Variants in SLC7A9 observed in about 807,000 individuals in gnomAD.
SLC7A9 encodes solute carrier family 7 member 9, also known as B(0,+)-type amino acid transporter 1.
Under a neutral mutation model 54.1 loss-of-function variants are expected in SLC7A9, and 38 were observed. The observed-to-expected ratio is 0.70, with a 90% CI of 0.54 to 0.92. The LOEUF is 0.92. SLC7A9 is among the 40% of genes least tolerant of loss of function. The pLI is 0.00. For synonymous variants in SLC7A9, 264 were observed against 258.9 expected, an observed-to-expected ratio of 1.02 and a Z score of -0.19; for missense variants, 537 against 636.1, an observed-to-expected ratio of 0.84 and a Z score of 1.68.
intron 2 of SLC7A9, among the ~76,000 whole-genome samples, chr19:32,867,554 C>G (rs1172472514): frequency 6.6e-6 from 1 of 151,680 alleles, no homozygotes; most frequent in Admixed American, 6.6e-5. Context: ...AAAGAACGCC[C>G]TTTCTGACCA....
chr19:32,857,717 C>A (rs1427976313), intron 9 of SLC7A9, among the ~76,000 whole-genome samples: 1 of 152,162 alleles, frequency 6.6e-6, no homozygotes, highest in Non-Finnish European at 1.5e-5. Flanking sequence ...GGAAACCACC[C>A]ACACCCAGGT....
intron 9 of SLC7A9, among the ~76,000 whole-genome samples, chr19:32,848,306 G>C (rs980711108): frequency 2.0e-5 from 3 of 152,128 alleles, no homozygotes; most frequent in African/African-American, 7.2e-5. Flanking sequence ...CACATGCAGA[G>C]ACACTCATAG....
rs375495587 is a variant in SLC7A9 at position 32,868,560 on chromosome 19, C to A, written c.-26G>T. 127 of 1,589,442 alleles carry A rather than the reference C, an allele frequency of 8.0e-5. 2 individuals carry two copies. In the East Asian group the frequency reaches 2.6e-3, roughly 32 times the overall value. ...GTTTCCTCCTGCTGGTTCCAGGAGA[C>A]TGCAAGGAGGGCGCACAGCTAAATC... On this transcript the variant is annotated 5_prime_UTR_variant, in exon 2 of 13. Transcript: ENST00000023064.
At chr19:32,838,612 A>T (rs1968034148) in intron 11 of SLC7A9, among the ~76,000 whole-genome samples, 1 of 148,182 alleles carries the variant, frequency 6.7e-6, no homozygotes, top group Non-Finnish European at 1.5e-5. Flanking sequence ...ACATATACCT[A>T]TAATATATAC....
chr19:32,844,291 T>A (rs1968216324), intron 9 of SLC7A9, among the ~76,000 whole-genome samples: 1 of 152,156 alleles, frequency 6.6e-6, no homozygotes, highest in Admixed American at 6.5e-5. Flanking sequence ...ACTTTAAAAA[T>A]TTTTTAAATG....
chr19:32,833,829 T>C (rs1381451236), intron 11 of SLC7A9, among the ~76,000 whole-genome samples: 3 of 152,070 alleles, frequency 2.0e-5, no homozygotes, highest in African/African-American at 7.2e-5. Context: ...ATAAACTGTT[T>C]AATGTTTTAG....
chr19:32,839,241 C>T (rs1219392757), intron 11 of SLC7A9, among the ~76,000 whole-genome samples: 1 of 152,026 alleles, frequency 6.6e-6, no homozygotes, highest in Admixed American at 6.6e-5. Flanking sequence ...GAAGCTCATT[C>T]TCTGGGTGAT....
intron 9 of SLC7A9, among the ~76,000 whole-genome samples, chr19:32,856,842 A>G (rs188363924): frequency 1.9e-3 from 282 of 152,148 alleles, no homozygotes; most frequent in African/African-American, 6.4e-3. Context: ...CCATATAAGC[A>G]ATTATTATTT....
intron 9 of SLC7A9, among the ~76,000 whole-genome samples, 155 bp from the exon 10 acceptor site, chr19:32,844,106 C>T (rs757466777): frequency 6.6e-5 from 10 of 152,002 alleles, no homozygotes; most frequent in African/African-American, 2.4e-4. Context: ...GGTCTGTCTT[C>T]GGGAGACGAG....
chr19:32,840,404 C>CT (rs1184170745), intron 11 of SLC7A9, among the ~76,000 whole-genome samples: 1 of 152,184 alleles, frequency 6.6e-6, no homozygotes, highest in Non-Finnish European at 1.5e-5. Context: ...ATCAAGTGAT[C>CT]TTCCTCCCTT....
intron 8 of SLC7A9, among the ~76,000 whole-genome samples, chr19:32,858,768 C>CT (rs1555784560): frequency 6.7e-6 from 1 of 148,634 alleles, no homozygotes; most frequent in East Asian, 2.1e-4. Context: ...TGGCATAAAT[C>CT]TTTATTTATT....
intron 11 of SLC7A9, among the ~76,000 whole-genome samples, chr19:32,836,508 T>C (rs1967963555): frequency 6.6e-6 from 1 of 152,204 alleles, no homozygotes; most frequent in Non-Finnish European, 1.5e-5. Flanking sequence ...CTTTTTGAAA[T>C]ATCAAGGTTT....
At chr19:32,840,704 A>G (rs1968103264) in intron 11 of SLC7A9, among the ~76,000 whole-genome samples, 1 of 151,974 alleles carries the variant, frequency 6.6e-6, no homozygotes, top group African/African-American at 2.4e-5. Context: ...CCTTCTGGAA[A>G]GGAGTTTTTG....
chr19:32,863,851 C>T (rs377538687), intron 4 of SLC7A9, among the ~76,000 whole-genome samples: 31 of 152,344 alleles, frequency 2.0e-4, no homozygotes, highest in African/African-American at 6.7e-4. Flanking sequence ...CCTGCCACCA[C>T]GCCAGGAGAA....
Position 32,868,531 on chromosome 19 carries a change from C to G in SLC7A9, c.4G>C (p.Gly2Arg). 1.2e-6 allele frequency: 2 copies of G among 1,613,890 alleles called. No individual in the cohort carries two copies. The highest frequency in any genetic ancestry group is 1.7e-6 in the Non-Finnish European group (2 of 1,179,796). ...CTCCGCTTTCTCAGGCCAGTATCCC[C>G]CATGTTTCCTCCTGCTGGTTCCAGG... MGDTGLRKRRED... is the reference protein window; with the variant it reads MRDTGLRKRRED... Residue 2 changes from glycine to arginine, a missense_variant, in exon 2 of 13, where the codon GGG becomes CGG. Gly to Arg is a moderately radical substitution (Grantham distance 125). Coordinates refer to ENST00000023064, the MANE Select transcript of SLC7A9 (RefSeq NM_014270.5).
intron 11 of SLC7A9, among the ~76,000 whole-genome samples, chr19:32,835,242 A>G (rs1041892885): frequency 2.0e-5 from 3 of 152,128 alleles, no homozygotes; most frequent in Admixed American, 2.0e-4. Flanking sequence ...CCTAAGTGAG[A>G]TTGGTGAGTA....
intron 9 of SLC7A9, among the ~76,000 whole-genome samples, chr19:32,845,007 A>C (rs966921090): frequency 6.6e-6 from 1 of 151,488 alleles, no homozygotes; most frequent in Admixed American, 6.6e-5. Flanking sequence ...TACTAAAAAT[A>C]CAAAAAATCA....
intron 11 of SLC7A9, among the ~76,000 whole-genome samples, chr19:32,839,132 C>T (rs1344644729): frequency 6.6e-6 from 1 of 152,116 alleles, no homozygotes; most frequent in African/African-American, 2.4e-5. Context: ...ATTGCCAGTG[C>T]ATAATAGTGG....
At chr19:32,837,810 G>T (rs968100407) in intron 11 of SLC7A9, among the ~76,000 whole-genome samples, 84 of 152,090 alleles carry the variant, frequency 5.5e-4, no homozygotes, top group African/African-American at 1.9e-3. Flanking sequence ...CACACATTTT[G>T]TCAAAAGTTT....
Sources: allele counts gnomAD v4.1 joint callset (sites outside exome capture counted in the v4.1 genomes callset), GRCh38; gene constraint gnomAD v4.1.1; transcripts MANE v1.5; gene names NCBI Gene and HGNC (gene_info 2026-07-23, HGNC 2026-07-21).